DOCK7: variants seen among roughly 807,000 people sequenced by gnomAD.
The protein encoded by DOCK7 is dedicator of cytokinesis 7.
DOCK7 carries 138 observed loss-of-function variants against 271.0 expected under a neutral mutation model. The ratio of observed to expected loss-of-function variants is 0.51; its 90% CI spans 0.44 to 0.59. DOCK7 has a LOEUF of 0.59. Among genes scored for constraint, DOCK7 ranks in the 20% least tolerant of loss-of-function variants. The pLI is 0.00. For missense variants in DOCK7, 2,066 were observed against 2,592.4 expected (o/e 0.80, Z 4.41); for synonymous variants, 823 against 876.1 (o/e 0.94, Z 1.07).
At chr1:62,483,432 T>C (rs2149273984) in intron 43 of DOCK7, 1 of 151,988 alleles carries the variant, frequency 6.6e-6, no homozygotes, top group Admixed American at 6.6e-5. Context: ...TCTATACCAG[T>C]CATCAGGGAG....
rs191812300 is a variant in DOCK7 at position 62,584,641 on chromosome 1, A to G, written c.1801-1387T>C. 2.5e-5 allele frequency: 33 copies of G among 1,320,148 alleles called. No individual in the cohort carries two copies. In the East Asian group the frequency reaches 8.8e-4, roughly 35 times the overall value. 81.8% of individuals were successfully genotyped at this position (1,320,148 alleles called of 1,614,324 possible). A position where few individuals can be genotyped will look rare whatever the true frequency, so the allele number is the denominator to read the frequency against. ...TTTGACCATTTGACATGTACTTTTAATCATTTAGCAATATGGATTGAGCAT... is the reference window on the plus strand; with the variant it reads ...TTTGACCATTTGACATGTACTTTTAGTCATTTAGCAATATGGATTGAGCAT... On this transcript the variant is annotated intron_variant, in intron 15 of 49. Coordinates refer to ENST00000635253, the MANE Select transcript of DOCK7 (RefSeq NM_001367561.1).
At chr1:62,599,885 T>C (rs1170587701) in intron 14 of DOCK7, among the ~76,000 whole-genome samples, 5 of 151,964 alleles carry the variant, frequency 3.3e-5, no homozygotes, top group Admixed American at 2.0e-4. Flanking sequence ...TAATATGCAG[T>C]ACAATAGTTT....
chr1:62,484,657 T>G (rs1473815208), intron 43 of DOCK7: 1 of 152,094 alleles, frequency 6.6e-6, no homozygotes, highest in African/African-American at 2.4e-5. Context: ...CCTGGCCAAT[T>G]TTTCTAATTT....
rs1646076907 is a variant in DOCK7 at position 62,480,097 on chromosome 1, TTTAG to T, written c.5509-2276_5509-2273del. ...AAGATAACAATTAGGACTTGTTCCC[TTTAG>T]TTAAACTTTCCAGTTTTCAATCTTC... On this transcript the variant is annotated intron_variant, in intron 43 of 49. Transcript: ENST00000635253. Among the ~76,000 whole-genome samples, 3 of 152,246 alleles carry T rather than the reference TTTAG, an allele frequency of 2.0e-5. No homozygotes were observed. The South Asian group carries it at 6.2e-4, about 32-fold the overall frequency.
chr1:62,571,795 T>C (rs1646789681), intron 18 of DOCK7, among the ~76,000 whole-genome samples: 1 of 151,992 alleles, frequency 6.6e-6, no homozygotes, highest in African/African-American at 2.4e-5. Flanking sequence ...AACAAACTAA[T>C]GCAGGAACAG....
chr1:62,563,863 CAAAAAAAAAAAAAAAAAAAAAAAAAAA>C (rs71045848), intron 18 of DOCK7, among the ~76,000 whole-genome samples: 2 of 38,818 alleles, frequency 5.2e-5, no homozygotes, highest in African/African-American at 1.0e-4. Flanking sequence ...ATTTACCAAG[CAAAAAAAAAAAAAAAAAAAAAAAAAAA>C]AAAAAAAAAA....
chr1:62,539,657 T>C lies in DOCK7; in HGVS notation c.3188A>G (p.Asp1063Gly). The C allele has an allele frequency of 6.2e-7, 1 of 1,612,846 alleles. No individual in the cohort carries two copies. ...ASDIVSRFQK[D>G]TEMVERLNTS... is the part of the protein sequence containing the mutation. The stretch of plus-strand genomic sequence containing the variant: ...ATTGAGTCTCTCAACCATTTCTGTG[T>C]CCTGTGAAACAGAATATAAAACAAA... The change falls in exon 27 of 50, where the codon GAC becomes GGC. Residue 1063 changes from aspartate (D) to glycine (G), a missense_variant and splice_region_variant. Asp to Gly is a moderately conservative substitution (Grantham distance 94). Around this residue, in one of 2 missense-constraint regions of DOCK7, gnomAD observed 1,414 missense variants for 1,670.4 expected, o/e 0.85. Transcript: ENST00000635253.
At chr1:62,670,663 G>A (rs149586409) in intron 1 of DOCK7, among the ~76,000 whole-genome samples, 4,617 of 152,184 alleles carry the variant, frequency 0.03, 166 homozygotes, top group African/African-American at 0.084. Flanking sequence ...GAACCTATGT[G>A]TGGAAACTCT....
chr1:62,537,862 A>G (rs373706775), intron 28 of DOCK7, 29 bp downstream of exon 28: 24 of 1,585,146 alleles, frequency 1.5e-5, no homozygotes, highest in Non-Finnish European at 2.1e-5. Context: ...GTGACTTTAA[A>G]TATATGTATA....
rs143675936 is a variant in DOCK7, at chr1:62,568,220, G to A, written c.2113-6517C>T. On this transcript the variant is annotated intron_variant, in intron 18 of 49. Coordinates refer to ENST00000635253, the MANE Select transcript of DOCK7 (RefSeq NM_001367561.1). ...AAACCAATGAGAACAAAAAGACAAT[G>A]TACCAGAATCTCTGGGATGCAGCTA... Among the ~76,000 whole-genome samples the A allele has an allele frequency of 3.0e-3, 452 of 152,086 alleles. 6 individuals carry two copies. The highest frequency in any genetic ancestry group is 0.01 in the African/African-American group (421 of 41,464).
intron 14 of DOCK7, among the ~76,000 whole-genome samples, chr1:62,603,613 T>C (rs1440866564): frequency 2.6e-5 from 4 of 151,904 alleles, no homozygotes; most frequent in Middle Eastern, 3.4e-3. Flanking sequence ...TGTTAATAAA[T>C]AGCTGACAGT....
intron 22 of DOCK7, 27 bp from the exon 23 acceptor site, chr1:62,545,066 A>C: frequency 2.7e-6 from 4 of 1,495,154 alleles, no homozygotes; most frequent in Non-Finnish European, 3.6e-6. Flanking sequence ...AAGCAGTTTG[A>C]AAGGAAAGAA....
At chr1:62,468,095 T>G (rs1364775563) in intron 48 of DOCK7, among the ~76,000 whole-genome samples, 2 of 152,088 alleles carry the variant, frequency 1.3e-5, no homozygotes, top group Non-Finnish European at 2.9e-5. Flanking sequence ...GCGCGGTGGC[T>G]CACGCCTGTA....
intron 16 of DOCK7, among the ~76,000 whole-genome samples, chr1:62,581,852 T>C (rs1186515926): frequency 6.6e-6 from 1 of 152,076 alleles, no homozygotes; most frequent in Non-Finnish European, 1.5e-5. Context: ...GGAAAATACA[T>C]ACTATACAAC....
intron 14 of DOCK7, among the ~76,000 whole-genome samples, chr1:62,613,248 T>G (rs542496167): frequency 4.8e-4 from 73 of 152,314 alleles, no homozygotes; most frequent in Middle Eastern, 3.4e-3. Flanking sequence ...AAGCAAGAAT[T>G]TGATGTAAAC....
At chr1:62,640,503 AAAGC>A (rs113795489) in intron 7 of DOCK7, among the ~76,000 whole-genome samples, 53,673 of 151,884 alleles carry the variant, frequency 0.35, 9,819 homozygotes, top group African/African-American at 0.45. Flanking sequence ...GCCTGGCAAC[AAAGC>A]AAGACCCCGT....
Position 62,597,919 on chromosome 1 carries a change from T to C in DOCK7, c.1683-11295A>G. 2 of 1,554,448 alleles carry C rather than the reference T, an allele frequency of 1.3e-6. 1 individual carries two copies. The highest frequency in any genetic ancestry group is 2.5e-5 in the South Asian group (2 of 79,174). ...AATGAAGAGGTAAAGAATATGTCACTTGAACTCAACTCAAAACTTGAAAGC... is the reference window on the plus strand; with the variant it reads ...AATGAAGAGGTAAAGAATATGTCACCTGAACTCAACTCAAAACTTGAAAGC... On this transcript the variant is annotated intron_variant, in intron 14 of 49. Coordinates refer to ENST00000635253, the MANE Select transcript of DOCK7 (RefSeq NM_001367561.1).
chr1:62,624,037 C>T (rs1205016672), intron 12 of DOCK7, among the ~76,000 whole-genome samples: 2 of 152,088 alleles, frequency 1.3e-5, no homozygotes, highest in Admixed American at 1.3e-4. Flanking sequence ...AGCATTTTCC[C>T]TTAATCCACT....
intron 22 of DOCK7, among the ~76,000 whole-genome samples, chr1:62,547,100 T>C (rs1275002809): frequency 6.6e-6 from 1 of 152,180 alleles, no homozygotes; most frequent in Admixed American, 6.5e-5. Flanking sequence ...AACTACAATA[T>C]ATGATAATCG....
Sources: allele counts gnomAD v4.1 joint callset (sites outside exome capture counted in the v4.1 genomes callset), GRCh38; gene constraint gnomAD v4.1.1; regional missense constraint gnomAD v4.1.1; transcripts MANE v1.5; gene names NCBI Gene and HGNC (gene_info 2026-07-23, HGNC 2026-07-21).